UPP2: variants seen among roughly 807,000 people sequenced by gnomAD.
UPP2 encodes uridine phosphorylase 2.
In UPP2, 23 loss-of-function variants were observed where a neutral mutation model predicts 26.7. That is an observed-to-expected ratio of 0.86 (90% CI 0.62 to 1.22). The LOEUF (loss-of-function observed/expected upper bound fraction) is 1.22. UPP2 is among the 50% of genes most tolerant of loss of function. The pLI, the probability that UPP2 is intolerant of heterozygous loss-of-function variation, is 0.00. For missense variants in UPP2, 387 were observed against 396.7 expected, an observed-to-expected ratio of 0.98 and a Z score of 0.21; for synonymous variants, 127 against 141.3, an observed-to-expected ratio of 0.90 and a Z score of 0.72.
rs377115292 is a variant in UPP2 at position 158,069,054 on chromosome 2, G to A, written c.148-32986G>A. Among the ~76,000 whole-genome samples, 142 of 151,086 alleles carry A rather than the reference G, an allele frequency of 9.4e-4. 4 individuals carry two copies. In the South Asian group the frequency reaches 0.025, roughly 27 times the overall value. The stretch of plus-strand genomic sequence containing the variant: ...GGATGGTCTCCTGACCTCGTGATCC[G>A]CCCACCTCGGCCTCCCAAAGTGCTA... On this transcript the variant is annotated intron_variant, in intron 3 of 9. Transcript: ENST00000605860.
chr2:158,104,502 G>A (rs1558931865), intron 1 of UPP2, among the ~76,000 whole-genome samples: 1 of 151,860 alleles, frequency 6.6e-6, no homozygotes, highest in African/African-American at 2.4e-5. Flanking sequence ...GGTCACCAGT[G>A]TTTTTTTGTT....
At chr2:158,012,624 C>T (rs1005404763) in intron 2 of UPP2, among the ~76,000 whole-genome samples, 2 of 151,954 alleles carry the variant, frequency 1.3e-5, no homozygotes, top group African/African-American at 4.8e-5. Context: ...GATATTTAAC[C>T]ACATCTTTGA....
At position 158,077,200 on chromosome 2, in the gene UPP2, C is replaced by T. The variant is rs564037992; in HGVS notation, c.148-24840C>T. On this transcript the variant is annotated intron_variant, in intron 3 of 9. Coordinates refer to the UPP2 transcript ENST00000605860. ...TGGAAAAATATTCCGTTTCATAGAT[C>T]GGAAGAATCAATATTGTTAAATGTC... 1.9e-4 allele frequency among the ~76,000 whole-genome samples: 29 copies of T among 151,944 alleles called. No homozygotes were observed. The South Asian group carries it at 5.2e-3, about 27-fold the overall frequency.
chr2:158,116,477 G>C (rs1683434132), intron 3 of UPP2, among the ~76,000 whole-genome samples: 1 of 152,176 alleles, frequency 6.6e-6, no homozygotes, highest in African/African-American at 2.4e-5. Flanking sequence ...AAAAAGACCT[G>C]AAATATGTGT....
intron 2 of UPP2, among the ~76,000 whole-genome samples, chr2:158,001,090 T>C (rs1268108685): frequency 6.6e-6 from 1 of 152,210 alleles, no homozygotes; most frequent in Non-Finnish European, 1.5e-5. Context: ...ATTCCTACCA[T>C]GGGCCTCAGT....
intron 3 of UPP2, among the ~76,000 whole-genome samples, chr2:158,096,437 A>G (rs2105206270): frequency 6.6e-6 from 1 of 152,288 alleles, no homozygotes; most frequent in African/African-American, 2.4e-5. Context: ...CGTCTCTACT[A>G]AAAATACAAA....
intron 3 of UPP2, among the ~76,000 whole-genome samples, chr2:158,049,164 T>A (rs1217715687): frequency 6.6e-6 from 1 of 152,180 alleles, no homozygotes; most frequent in Admixed American, 6.5e-5. Flanking sequence ...AAAATAATGG[T>A]TGACTTTGGA....
chr2:158,011,643 A>C (rs1187624995), intron 2 of UPP2, among the ~76,000 whole-genome samples: 2 of 140,168 alleles, frequency 1.4e-5, no homozygotes, highest in Non-Finnish European at 3.1e-5. Flanking sequence ...GAAAAGATCA[A>C]GTTTTCACAC....
chr2:158,008,852 A>G (rs74456537), intron 2 of UPP2, among the ~76,000 whole-genome samples: 2,253 of 152,224 alleles, frequency 0.015, 26 homozygotes, highest in Non-Finnish European at 0.019. Context: ...AATGAAGTCC[A>G]TTTTCCCAGA....
In UPP2 at chr2:158,087,638, T is replaced by G. The variant is rs545783318; in HGVS notation, c.148-14402T>G. 5.1e-4 allele frequency among the ~76,000 whole-genome samples: 77 copies of G among 152,338 alleles called. No homozygotes were observed. The South Asian group carries it at 5.6e-3, about 11-fold the overall frequency. On this transcript the variant is annotated intron_variant, in intron 3 of 9. Coordinates refer to the UPP2 transcript ENST00000605860. ...GTTCTATTTTGGTGCTTTTTGAGTATTTGTTTCAAGATTTAGAGCTCCTTT... is the reference window on the plus strand; with the variant it reads ...GTTCTATTTTGGTGCTTTTTGAGTAGTTGTTTCAAGATTTAGAGCTCCTTT...
At chr2:158,129,834 C>T (rs985732189) in intron 6 of UPP2, among the ~76,000 whole-genome samples, 2 of 151,716 alleles carry the variant, frequency 1.3e-5, no homozygotes, top group Non-Finnish European at 2.9e-5. Flanking sequence ...GGTATGACCA[C>T]AGCTCACTGC....
chr2:158,030,342 G>T (rs955987950), intron 3 of UPP2, among the ~76,000 whole-genome samples: 2 of 152,154 alleles, frequency 1.3e-5, no homozygotes, highest in African/African-American at 4.8e-5. Context: ...GTAGACAATT[G>T]AATATTTCAT....
upstream of UPP2, chr2:158,101,866 C>G: frequency 7.4e-7 from 1 of 1,343,206 alleles, no homozygotes. Flanking sequence ...GGGAGGACAT[C>G]TTTTATTTGA....
At chr2:158,088,615 C>T (rs1454766052) in intron 3 of UPP2, among the ~76,000 whole-genome samples, 2 of 152,122 alleles carry the variant, frequency 1.3e-5, no homozygotes, top group Non-Finnish European at 2.9e-5. Flanking sequence ...TAGACTATGT[C>T]AGAGGGAAGA....
At chr2:158,069,411 G>T (rs558209861) in intron 3 of UPP2, among the ~76,000 whole-genome samples, 1 of 152,328 alleles carries the variant, frequency 6.6e-6, no homozygotes, top group African/African-American at 2.4e-5. Context: ...AGCCCTCTTG[G>T]CAGGCTCCTG....
rs1400307882 is a variant in UPP2, at chr2:158,045,358, C to T, written c.147+29472C>T. Among the ~76,000 whole-genome samples, 3 of 152,214 alleles carry T rather than the reference C, an allele frequency of 2.0e-5. No homozygotes were observed. In the South Asian group the frequency reaches 6.2e-4, roughly 32 times the overall value. On this transcript the variant is annotated intron_variant, in intron 3 of 9. Coordinates refer to the UPP2 transcript ENST00000605860. ...ACCCCACCCTTTCTAGCCTGAAGCA[C>T]GGTGGGAAAAAGGAGAGAGGCAGAG...
At chr2:158,012,104 T>C (rs1250184600) in intron 2 of UPP2, among the ~76,000 whole-genome samples, 1 of 152,138 alleles carries the variant, frequency 6.6e-6, no homozygotes, top group African/African-American at 2.4e-5. Flanking sequence ...GCTCACTCTC[T>C]GAGCCTCCCT....
At chr2:158,002,157 GTAA>G (rs1344064715) in intron 2 of UPP2, among the ~76,000 whole-genome samples, 1 of 152,066 alleles carries the variant, frequency 6.6e-6, no homozygotes, top group East Asian at 1.9e-4. Context: ...AATAAAAATG[GTAA>G]TAATAAAAGA....
At chr2:158,101,863 C>G, upstream of UPP2, 1 of 1,342,900 alleles carries the variant, frequency 7.4e-7, no homozygotes, top group Non-Finnish European at 9.5e-7. Context: ...TCAGGGAGGA[C>G]ATCTTTTATT....
Sources: allele counts gnomAD v4.1 joint callset (sites outside exome capture counted in the v4.1 genomes callset), GRCh38; gene constraint gnomAD v4.1.1; transcripts MANE v1.5; gene names NCBI Gene and HGNC (gene_info 2026-07-23, HGNC 2026-07-21).